Variants in TULP4 observed in about 807,000 individuals in gnomAD.
TULP4 encodes the protein tubby-related protein 4.
Under a neutral mutation model 129.0 loss-of-function variants are expected in TULP4, and 16 were observed. The observed-to-expected ratio is 0.12, with a 90% CI of 0.08 to 0.19. The LOEUF is 0.19. TULP4 is among the 10% of genes least tolerant of loss of function. TULP4 has a pLI of 1.00. For missense variants in TULP4, 1,842 were observed against 2,059.1 expected, an observed-to-expected ratio of 0.89 and a Z score of 2.04; for synonymous variants, 998 against 854.0, an observed-to-expected ratio of 1.17 and a Z score of -2.94.
chr6:158,362,376 G>A (rs755102153), intron 1 of TULP4, among the ~76,000 whole-genome samples: 2 of 151,588 alleles, frequency 1.3e-5, no homozygotes, highest in African/African-American at 2.4e-5. Context: ...AACAGATGAG[G>A]TCTCTCTCTG....
chr6:158,250,506 G>A (rs1185195975), intron 1 of TULP4, among the ~76,000 whole-genome samples: 1 of 152,156 alleles, frequency 6.6e-6, no homozygotes, highest in Non-Finnish European at 1.5e-5. Context: ...TGTTTATGAG[G>A]TGCTTTGGAA....
chr6:158,241,152 G>A (rs1394187274), intron 1 of TULP4, among the ~76,000 whole-genome samples: 4 of 134,706 alleles, frequency 3.0e-5, no homozygotes, highest in Admixed American at 7.8e-5. Context: ...GACGATGGGC[G>A]GCCGGGCAGA....
chr6:158,415,623 G>T (rs183192182), intron 2 of TULP4, among the ~76,000 whole-genome samples: 1 of 149,758 alleles, frequency 6.7e-6, no homozygotes, highest in African/African-American at 2.5e-5. Flanking sequence ...GCCTCCCAAA[G>T]TGCTGGGATT....
chr6:158,234,261 C>T (rs887965997), intron 1 of TULP4, among the ~76,000 whole-genome samples: 3 of 152,166 alleles, frequency 2.0e-5, no homozygotes, highest in Non-Finnish European at 2.9e-5. Flanking sequence ...AGATGTTTAA[C>T]CCATAAAGCA....
chr6:158,486,147 C>T (rs1411984009), intron 8 of TULP4, among the ~76,000 whole-genome samples: 1 of 152,132 alleles, frequency 6.6e-6, no homozygotes, highest in Non-Finnish European at 1.5e-5. Flanking sequence ...GCCCCCACGT[C>T]ACCCCCAAAA....
At chr6:158,316,190 GTTC>G (rs1779490016) in intron 1 of TULP4, among the ~76,000 whole-genome samples, 1 of 152,198 alleles carries the variant, frequency 6.6e-6, no homozygotes, top group South Asian at 2.1e-4. Flanking sequence ...TTCTTCTCCT[GTTC>G]CTGGGTATTT....
At chr6:158,273,271 T>A (rs1778581885) in intron 1 of TULP4, among the ~76,000 whole-genome samples, 1 of 152,130 alleles carries the variant, frequency 6.6e-6, no homozygotes, top group Non-Finnish European at 1.5e-5. Flanking sequence ...GTGTTGAGAC[T>A]CCCCTCTCTG....
At chr6:158,420,780 G>A (rs548301747) in intron 2 of TULP4, among the ~76,000 whole-genome samples, 6 of 149,656 alleles carry the variant, frequency 4.0e-5, no homozygotes, top group African/African-American at 7.3e-5. Flanking sequence ...CACCTCGCCC[G>A]GCCTATTTAG....
At chr6:158,470,218 A>G (rs1194593222) in intron 6 of TULP4, among the ~76,000 whole-genome samples, 3 of 152,184 alleles carry the variant, frequency 2.0e-5, no homozygotes. Context: ...ATTCGGAGGG[A>G]TGGGAGTCAG....
intron 1 of TULP4, among the ~76,000 whole-genome samples, chr6:158,287,383 A>G (rs188181864): frequency 7.2e-5 from 11 of 152,374 alleles, no homozygotes; most frequent in African/African-American, 1.9e-4. Context: ...ATTTGTTTCT[A>G]GAGTAGAACA....
intron 3 of TULP4, among the ~76,000 whole-genome samples, chr6:158,432,353 A>C (rs1338633539): frequency 6.6e-6 from 1 of 152,052 alleles, no homozygotes; most frequent in Non-Finnish European, 1.5e-5. Context: ...CAGGAGTTGG[A>C]TGTGGAAAGC....
intron 3 of TULP4, among the ~76,000 whole-genome samples, chr6:158,439,860 C>A (rs1218902279): frequency 6.6e-6 from 1 of 151,014 alleles, no homozygotes; most frequent in Non-Finnish European, 1.5e-5. Flanking sequence ...TACAGGCGCC[C>A]GCCACCATGC....
chr6:158,462,597 TCTC>T (rs1779456468), intron 6 of TULP4, among the ~76,000 whole-genome samples: 1 of 151,614 alleles, frequency 6.6e-6, no homozygotes, highest in African/African-American at 2.4e-5. Flanking sequence ...ATGGTCTCGA[TCTC>T]CTGACCTCAT....
chr6:158,462,492 G>A (rs1367478160), intron 6 of TULP4, among the ~76,000 whole-genome samples: 1 of 150,686 alleles, frequency 6.6e-6, no homozygotes, highest in Non-Finnish European at 1.5e-5. Context: ...TCCTGCCTCA[G>A]CTTCCCGAGT....
chr6:158,491,393 CTT>C (rs1780195314), intron 9 of TULP4, among the ~76,000 whole-genome samples: 1 of 15,728 alleles, frequency 6.4e-5, no homozygotes. Context: ...TATAAGAGTT[CTT>C]TCTTTCTTTC....
intron 1 of TULP4, among the ~76,000 whole-genome samples, chr6:158,351,054 C>T (rs1780506331): frequency 6.6e-6 from 1 of 152,142 alleles, no homozygotes; most frequent in South Asian, 2.1e-4. Context: ...ACGCCTGGCC[C>T]TGTTTTGGTC....
intron 1 of TULP4, among the ~76,000 whole-genome samples, chr6:158,373,015 T>TC (rs1323666933): frequency 2.0e-5 from 3 of 152,188 alleles, no homozygotes; most frequent in Non-Finnish European, 2.9e-5. Context: ...AAACAAGGTC[T>TC]CACCAACTTA....
intron 1 of TULP4, among the ~76,000 whole-genome samples, chr6:158,239,356 GGGGGGCTGA>G (rs1777802601): frequency 1.5e-5 from 1 of 65,870 alleles, no homozygotes. Flanking sequence ...TGGCCGGGCA[GGGGGGCTGA>G]CACCCCCCAC....
intron 1 of TULP4, among the ~76,000 whole-genome samples, chr6:158,386,960 G>A (rs1011036197): frequency 2.6e-5 from 4 of 152,076 alleles, no homozygotes; most frequent in Admixed American, 6.5e-5. Flanking sequence ...CTGTCAAAGC[G>A]ATTGACAGAA....
Sources: allele counts gnomAD v4.1 joint callset (sites outside exome capture counted in the v4.1 genomes callset), GRCh38; gene constraint gnomAD v4.1.1; transcripts MANE v1.5; gene names NCBI Gene and HGNC (gene_info 2026-07-23, HGNC 2026-07-21).